The following CAMSAP2 variants were observed in gnomAD, a reference collection of about 807,000 sequenced individuals.
CAMSAP2 encodes the protein calmodulin-regulated spectrin-associated protein 2.
Under a neutral mutation model 146.1 loss-of-function variants are expected in CAMSAP2, and 26 were observed. That is an observed-to-expected ratio of 0.18 (90% CI 0.13 to 0.25). CAMSAP2 has a LOEUF of 0.25. Among genes scored for constraint, CAMSAP2 ranks in the 10% least tolerant of loss-of-function variants. The pLI, the probability that CAMSAP2 is intolerant of heterozygous loss-of-function variation, is 1.00. For synonymous variants in CAMSAP2, 499 were observed against 596.6 expected, an observed-to-expected ratio of 0.84 and a Z score of 2.38; for missense variants, 1,381 against 1,759.3, an observed-to-expected ratio of 0.78 and a Z score of 3.85.
intron 3 of CAMSAP2, among the ~76,000 whole-genome samples, chr1:200,809,744 A>G (rs1174390176): frequency 6.6e-6 from 1 of 151,296 alleles, no homozygotes; most frequent in Non-Finnish European, 1.5e-5. Context: ...AATAATAATG[A>G]TAATAATAAT....
At chr1:200,817,664 G>GA (rs925564712) in intron 4 of CAMSAP2, among the ~76,000 whole-genome samples, 8 of 152,120 alleles carry the variant, frequency 5.3e-5, no homozygotes, top group African/African-American at 1.4e-4. Context: ...AGAAAGAAGG[G>GA]AAAAAGGAAG....
intron 13 of CAMSAP2, among the ~76,000 whole-genome samples, chr1:200,854,064 C>A (rs1667689533): frequency 6.6e-6 from 1 of 152,124 alleles, no homozygotes; most frequent in Admixed American, 6.5e-5. Flanking sequence ...CTGCAGCCTC[C>A]ACCTCCCTGG....
At chr1:200,792,456 C>T (rs184366812) in intron 2 of CAMSAP2, among the ~76,000 whole-genome samples, 424 of 152,198 alleles carry the variant, frequency 2.8e-3, no homozygotes, top group African/African-American at 9.4e-3. Context: ...ACCAGCCTGG[C>T]CAACATGGTG....
rs1039610464 is a variant in CAMSAP2 at position 200,739,619 on chromosome 1, GAGCGGCGGCGGC to G, written c.-208_-197del. ...GGCGCCGCCACATTCCTATGCCCGG[GAGCGGCGGCGGC>G]GGCGGCGGCGGCTCCCGCGGGAGGC... On this transcript the variant is annotated 5_prime_UTR_variant, in exon 1 of 17. Coordinates refer to ENST00000358823, the MANE Select transcript of CAMSAP2 (RefSeq NM_203459.4). The surrounding 1 kb of genome is among the most constrained non-coding windows in gnomAD (Gnocchi z 4.8). 7.0e-5 allele frequency: 21 copies of G among 297,892 alleles called. No homozygotes were observed. Among genetic ancestry groups the G allele is most frequent in the African/African-American group, 4.8e-4 (20 of 41,320 alleles). The allele number at this position is 297,892 out of a possible 1,614,324, so 18.5% of individuals were successfully genotyped here. A position where few individuals can be genotyped will look rare whatever the true frequency, so the allele number is the denominator to read the frequency against.
chr1:200,805,409 A>C (rs1346477154), intron 2 of CAMSAP2, among the ~76,000 whole-genome samples: 1 of 152,216 alleles, frequency 6.6e-6, no homozygotes, highest in Admixed American at 6.5e-5. Context: ...GATGTAGGGA[A>C]TAGGAAGATA....
At chr1:200,814,131 C>T (rs868324250) in intron 3 of CAMSAP2, among the ~76,000 whole-genome samples, 2 of 14,310 alleles carry the variant, frequency 1.4e-4, no homozygotes, top group African/African-American at 4.8e-4. Context: ...AAAAAGGTGG[C>T]GGGGGGAGGG....
At chr1:200,799,613 A>G (rs1665983237) in intron 2 of CAMSAP2, among the ~76,000 whole-genome samples, 2 of 151,988 alleles carry the variant, frequency 1.3e-5, no homozygotes, top group African/African-American at 4.8e-5. Flanking sequence ...TAATCTTTTC[A>G]GAAAACCAGC....
At position 200,739,808 on chromosome 1, in the gene CAMSAP2, C is replaced by G; in HGVS notation, c.-20C>G. 1 of 1,611,600 alleles carries G rather than the reference C, an allele frequency of 6.2e-7. No homozygotes were observed. The highest frequency in any genetic ancestry group is 1.3e-5 in the African/African-American group (1 of 74,988). On this transcript the variant is annotated 5_prime_UTR_variant, in exon 1 of 17. Coordinates refer to ENST00000358823, the MANE Select transcript of CAMSAP2 (RefSeq NM_203459.4). The surrounding 1 kb of genome is among the most constrained non-coding windows in gnomAD (Gnocchi z 4.8). ...ATGTGAAGGTTAGGGCCGGGACATC[C>G]CGAGGAGCCGCGGTGAAAGATGGGG...
chr1:200,817,189 C>CAT (rs1553288787), intron 4 of CAMSAP2, among the ~76,000 whole-genome samples: 3,379 of 111,796 alleles, frequency 0.03, 154 homozygotes, highest in African/African-American at 0.099. Flanking sequence ...CACACACACA[C>CAT]ATGTGTGTGT....
chr1:200,807,327 A>G (rs750467755), intron 2 of CAMSAP2, 49 bp from the exon 3 acceptor site: 2 of 1,366,086 alleles, frequency 1.5e-6, no homozygotes, highest in African/African-American at 1.5e-5. Context: ...GTAAAAAGCA[A>G]TTTCTAAATA....
chr1:200,810,261 C>T lies in CAMSAP2; in HGVS notation c.561+2724C>T, dbSNP rs910394010. 1.4e-4 allele frequency among the ~76,000 whole-genome samples: 21 copies of T among 152,096 alleles called. 1 individual carries two copies. Among genetic ancestry groups the T allele is most frequent in the East Asian group, 1.9e-4 (1 of 5,194 alleles). ...TCACTCCCACATTGTCTGACTCTTCCGGTCTATTGGATCATTCTTATAAGA... is the reference window on the plus strand; with the variant it reads ...TCACTCCCACATTGTCTGACTCTTCTGGTCTATTGGATCATTCTTATAAGA... On this transcript the variant is annotated intron_variant, in intron 3 of 16. Transcript: ENST00000358823.
At position 200,858,235 on chromosome 1, in the gene CAMSAP2, C is replaced by A; in HGVS notation, c.*176C>A. Reference sequence around the variant, plus strand: ...ACAGTATTTTGGAGTGCAGAACATTCTCAATTAAGTGATAAGTCCAAATGA... The same window carrying A: ...ACAGTATTTTGGAGTGCAGAACATTATCAATTAAGTGATAAGTCCAAATGA... On this transcript the variant is annotated 3_prime_UTR_variant, in exon 17 of 17. Transcript: ENST00000358823. 1 of 514,088 alleles carries A rather than the reference C, an allele frequency of 1.9e-6. No individual in the cohort carries two copies. The highest frequency in any genetic ancestry group is 3.4e-6 in the Non-Finnish European group (1 of 297,252). The allele number at this position is 514,088 out of a possible 1,614,324, so 31.8% of individuals were successfully genotyped here.
intron 4 of CAMSAP2, chr1:200,828,606 G>A (rs915837753): frequency 9.0e-6 from 14 of 1,549,740 alleles, no homozygotes; most frequent in African/African-American, 1.4e-5. Context: ...ACTGGTTCCA[G>A]TAAGTTTGCT....
intron 1 of CAMSAP2, among the ~76,000 whole-genome samples, chr1:200,752,999 A>C (rs1664551306): frequency 6.6e-6 from 1 of 151,942 alleles, no homozygotes; most frequent in South Asian, 2.1e-4. Context: ...AACACTTCTG[A>C]AGATAGAGCA....
rs548024873 is a variant in CAMSAP2, at chr1:200,854,717, A to G, written c.3824-100A>G. On this transcript the variant is annotated intron_variant, in intron 13 of 16. Transcript: ENST00000358823. ...GAAACTACAGAAGCTCAATTTTTAT[A>G]TGCTGGTGTTATCTAATGAACAGAC... 1.5e-5 allele frequency: 11 copies of G among 733,440 alleles called. No homozygotes were observed. The African/African-American group carries it at 1.8e-4, about 12-fold the overall frequency. The allele number at this position is 733,440 out of a possible 1,614,324, so 45.4% of individuals were successfully genotyped here. A position where few individuals can be genotyped will look rare whatever the true frequency, so the allele number is the denominator to read the frequency against.
intron 6 of CAMSAP2, among the ~76,000 whole-genome samples, chr1:200,836,240 C>CCTGAT (rs1289137910): frequency 1.3e-5 from 2 of 152,102 alleles, no homozygotes; most frequent in African/African-American, 4.8e-5. Flanking sequence ...AGTTATTTCT[C>CCTGAT]CTGATCCTCT....
chr1:200,800,456 C>G (rs531274220), intron 2 of CAMSAP2, among the ~76,000 whole-genome samples: 2 of 152,136 alleles, frequency 1.3e-5, no homozygotes, highest in East Asian at 3.9e-4. Flanking sequence ...GTTGGTTTGA[C>G]ATCTGTTTTA....
intron 1 of CAMSAP2, among the ~76,000 whole-genome samples, chr1:200,750,972 G>A (rs1664489669): frequency 7.1e-6 from 1 of 140,808 alleles, no homozygotes; most frequent in Non-Finnish European, 1.5e-5. Flanking sequence ...GCACGATCTC[G>A]GCTCACTGCA....
intron 4 of CAMSAP2, among the ~76,000 whole-genome samples, chr1:200,830,712 T>C (rs1667020644): frequency 6.6e-6 from 1 of 152,236 alleles, no homozygotes; most frequent in Admixed American, 6.5e-5. Flanking sequence ...AGAATTATGT[T>C]AAAATCAGAA....
Sources: allele counts gnomAD v4.1 joint callset (sites outside exome capture counted in the v4.1 genomes callset), GRCh38; gene constraint gnomAD v4.1.1; non-coding constraint Gnocchi (gnomAD v3.1); transcripts MANE v1.5; gene names NCBI Gene and HGNC (gene_info 2026-07-23, HGNC 2026-07-21).